ZNF385B: variants seen among roughly 807,000 people sequenced by gnomAD.
ZNF385B encodes zinc finger protein 385B.
A neutral mutation model predicts 39.2 loss-of-function variants in ZNF385B; 23 were observed. The observed-to-expected ratio is 0.59, with a 90% confidence interval of 0.42 to 0.83. The LOEUF is 0.83. Ranked by LOEUF, ZNF385B falls within the 40% of genes least tolerant of loss-of-function variation. The pLI, the probability that ZNF385B is intolerant of heterozygous loss-of-function variation, is 0.00. For synonymous variants in ZNF385B, 205 were observed against 222.6 expected, an observed-to-expected ratio of 0.92 and a Z score of 0.70; for missense variants, 552 against 598.9, an observed-to-expected ratio of 0.92 and a Z score of 0.82.
At chr2:179,559,977 T>A (rs772382792) in intron 3 of ZNF385B, among the ~76,000 whole-genome samples, 1 of 152,190 alleles carries the variant, frequency 6.6e-6, no homozygotes, top group African/African-American at 2.4e-5. Context: ...TGTTTCTATA[T>A]ATTTGACATT....
chr2:179,560,309 T>G (rs1218886342), intron 3 of ZNF385B, among the ~76,000 whole-genome samples: 1 of 152,210 alleles, frequency 6.6e-6, no homozygotes, highest in Non-Finnish European at 1.5e-5. Flanking sequence ...GGAGATATTT[T>G]CTTTTAAAAC....
chr2:179,840,912 T>C (rs904561145), intron 1 of ZNF385B, among the ~76,000 whole-genome samples: 2 of 152,228 alleles, frequency 1.3e-5, no homozygotes, highest in Non-Finnish European at 2.9e-5. Flanking sequence ...CAAATTTAAA[T>C]AGGTTGCTTT....
chr2:179,564,777 A>G (rs1684361499), intron 3 of ZNF385B, among the ~76,000 whole-genome samples: 1 of 152,086 alleles, frequency 6.6e-6, no homozygotes, highest in East Asian at 1.9e-4. Flanking sequence ...TGTATTTCTA[A>G]CCTTAACTTT....
chr2:179,540,478 A>AAACAAC (rs529398502), intron 4 of ZNF385B, among the ~76,000 whole-genome samples: 1 of 150,510 alleles, frequency 6.6e-6, no homozygotes, highest in Non-Finnish European at 1.5e-5. Context: ...AACACCAACC[A>AAACAAC]AACAACAACA....
intron 3 of ZNF385B, among the ~76,000 whole-genome samples, chr2:179,764,842 A>G (rs1214991693): frequency 6.6e-6 from 1 of 152,194 alleles, no homozygotes; most frequent in Non-Finnish European, 1.5e-5. Context: ...ATGTTCAGAT[A>G]TTTGGTTACA....
At chr2:179,695,993 A>G (rs980259274) in intron 3 of ZNF385B, among the ~76,000 whole-genome samples, 5 of 152,258 alleles carry the variant, frequency 3.3e-5, no homozygotes, top group Non-Finnish European at 4.4e-5. Flanking sequence ...CTTACGCTAA[A>G]TGAAAGAAGT....
At chr2:179,568,701 A>G (rs993220413) in intron 3 of ZNF385B, among the ~76,000 whole-genome samples, 4 of 152,188 alleles carry the variant, frequency 2.6e-5, no homozygotes, top group East Asian at 1.9e-4. Flanking sequence ...TATTTATTCA[A>G]TCTGTCAAAC....
chr2:179,787,807 TC>T (rs752280442), intron 1 of ZNF385B, among the ~76,000 whole-genome samples: 1 of 152,164 alleles, frequency 6.6e-6, no homozygotes, highest in Non-Finnish European at 1.5e-5. Context: ...GTCCAGCTTT[TC>T]CAATATACTT....
chr2:179,546,210 A>AT (rs1553604490), intron 3 of ZNF385B, among the ~76,000 whole-genome samples: 1 of 151,608 alleles, frequency 6.6e-6, no homozygotes, highest in African/African-American at 2.4e-5. Context: ...TAATTTTTGT[A>AT]TTTTTTGTAG....
At chr2:179,691,716 T>A (rs1210420435) in intron 3 of ZNF385B, among the ~76,000 whole-genome samples, 2 of 152,140 alleles carry the variant, frequency 1.3e-5, no homozygotes, top group African/African-American at 4.8e-5. Flanking sequence ...AAACAAGTAA[T>A]TTTTCAGTAT....
At chr2:179,493,797 AT>A (rs2055824658) in intron 5 of ZNF385B, among the ~76,000 whole-genome samples, 2 of 110,858 alleles carry the variant, frequency 1.8e-5, no homozygotes, top group Non-Finnish European at 4.1e-5. Context: ...ATGTATACAT[AT>A]ATGTATATAT....
intron 3 of ZNF385B, among the ~76,000 whole-genome samples, chr2:179,754,111 A>G (rs1403279225): frequency 6.6e-6 from 1 of 152,230 alleles, no homozygotes; most frequent in Non-Finnish European, 1.5e-5. Context: ...CGTCCCATCA[A>G]TACCTAATTT....
chr2:179,783,772 T>C (rs759960633), intron 1 of ZNF385B, among the ~76,000 whole-genome samples: 1 of 152,056 alleles, frequency 6.6e-6, no homozygotes, highest in Non-Finnish European at 1.5e-5. Context: ...CAAAATGAGA[T>C]ACCATCTTAC....
At chr2:179,704,329 C>G (rs1699428449) in intron 3 of ZNF385B, among the ~76,000 whole-genome samples, 1 of 152,070 alleles carries the variant, frequency 6.6e-6, no homozygotes, top group Admixed American at 6.5e-5. Context: ...TAGAGAAAGT[C>G]TGTAAAGACA....
At chr2:179,591,937 G>A (rs978415609) in intron 3 of ZNF385B, among the ~76,000 whole-genome samples, 9 of 152,174 alleles carry the variant, frequency 5.9e-5, no homozygotes, top group Non-Finnish European at 8.8e-5. Context: ...TTTCCTTAGT[G>A]AAAAACAGGC....
At chr2:179,759,898 T>C (rs1703263374) in intron 3 of ZNF385B, among the ~76,000 whole-genome samples, 1 of 152,174 alleles carries the variant, frequency 6.6e-6, no homozygotes, top group South Asian at 2.1e-4. Flanking sequence ...TTATCTCTAA[T>C]TATGCTACTA....
intron 6 of ZNF385B, among the ~76,000 whole-genome samples, chr2:179,478,400 GAACA>G (rs578194871): frequency 3.9e-5 from 6 of 152,160 alleles, no homozygotes; most frequent in African/African-American, 1.2e-4. Flanking sequence ...TTGCATGAAT[GAACA>G]AACAATGGAT....
In ZNF385B at chr2:179,470,337, T is replaced by C. The variant is rs571961623; in HGVS notation, c.715+12935A>G. Among the ~76,000 whole-genome samples the C allele has an allele frequency of 2.0e-5, 3 of 152,324 alleles. No individual in the cohort carries two copies. The East Asian group carries it at 5.8e-4, about 29-fold the overall frequency. The stretch of plus-strand genomic sequence containing the variant: ...AGTGGCTAATGTCTATGTTTTGTCA[T>C]GCATATTTTGCTCTGGCTGGAAAAG... On this transcript the variant is annotated intron_variant, in intron 6 of 9. Transcript: ENST00000410066.
chr2:179,587,460 C>A (rs903667244), intron 3 of ZNF385B, among the ~76,000 whole-genome samples: 1 of 152,148 alleles, frequency 6.6e-6, no homozygotes, highest in Non-Finnish European at 1.5e-5. Flanking sequence ...TTGTCCTTTT[C>A]GTTCATGACC....
Sources: allele counts gnomAD v4.1 joint callset (sites outside exome capture counted in the v4.1 genomes callset), GRCh38; gene constraint gnomAD v4.1.1; transcripts MANE v1.5; gene names NCBI Gene and HGNC (gene_info 2026-07-23, HGNC 2026-07-21).